Variants in ANKRD26 observed in about 807,000 individuals in gnomAD.
The protein encoded by ANKRD26 is ankyrin repeat domain-containing protein 26.
In ANKRD26, 141 loss-of-function variants were observed where a neutral mutation model predicts 208.7. That is an observed-to-expected ratio of 0.68 (90% CI 0.59 to 0.78). The LOEUF (loss-of-function observed/expected upper bound fraction) is 0.78. Ranked by LOEUF, ANKRD26 falls within the 30% of genes least tolerant of loss-of-function variation. ANKRD26 has a pLI of 0.00. For synonymous variants in ANKRD26, 636 were observed against 660.4 expected, an observed-to-expected ratio of 0.96 and a Z score of 0.57; for missense variants, 1,889 against 1,938.7, an observed-to-expected ratio of 0.97 and a Z score of 0.48.
intron 27 of ANKRD26, 142 bp downstream of exon 27, chr10:27,028,710 G>T: frequency 2.9e-6 from 2 of 678,780 alleles, no homozygotes; most frequent in Non-Finnish European, 2.5e-6. Context: ...CATTATGTAT[G>T]TACAAATATT....
intron 25 of ANKRD26, 92 bp downstream of exon 25, chr10:27,033,133 A>G (rs1039063080): frequency 1.1e-6 from 1 of 922,794 alleles, no homozygotes; most frequent in Non-Finnish European, 1.5e-6. Flanking sequence ...TGAAAACACA[A>G]AAGAAGGCTA....
rs191706890 is a variant in ANKRD26 at position 26,995,164 on chromosome 10, G to A, written c.563-17C>T. 1.5e-5 allele frequency: 7 copies of A among 471,092 alleles called. No individual in the cohort carries two copies. The East Asian group carries it at 4.9e-4, about 33-fold the overall frequency. 29.2% of individuals were successfully genotyped at this position (471,092 alleles called of 1,614,324 possible). A position where few individuals can be genotyped will look rare whatever the true frequency, so the allele number is the denominator to read the frequency against. Reference sequence around the variant, plus strand: ...AGAAGGTCCCTGGAATAGAGTGGCAGGATTAAGGTAATTACACTGGGATAT... The same window carrying A: ...AGAAGGTCCCTGGAATAGAGTGGCAAGATTAAGGTAATTACACTGGGATAT... On this transcript the variant is annotated splice_polypyrimidine_tract_variant and intron_variant, in intron 4 of 5. Coordinates refer to the ANKRD26 transcript ENST00000445828.
At chr10:26,969,496 T>C (rs770464734), downstream of ANKRD26, among the ~76,000 whole-genome samples, 6 of 152,190 alleles carry the variant, frequency 3.9e-5, no homozygotes, top group Non-Finnish European at 8.8e-5. Flanking sequence ...CTCTCACCAA[T>C]GAAGACTCCT....
chr10:27,013,070 CAAG>C lies in ANKRD26; in HGVS notation c.4762_4764del (p.Leu1588del). ...AAAGATCTGCTCTGCTGTTTTTCCACAAGAAGTTTGGTGTTGACCTCTGCTAGC... is the reference window on the plus strand; with the variant it reads ...AAAGATCTGCTCTGCTGTTTTTCCACAAGTTTGGTGTTGACCTCTGCTAGC... On this transcript the variant is annotated inframe_deletion, in exon 32 of 34. Coordinates refer to ENST00000376087, the MANE Select transcript of ANKRD26 (RefSeq NM_014915.3). 6.2e-7 allele frequency: 1 copy of C among 1,613,970 alleles called. No homozygotes were observed. The highest frequency in any genetic ancestry group is 8.5e-7 in the Non-Finnish European group (1 of 1,179,934).
In ANKRD26 at chr10:27,037,290, G is replaced by A. The variant is rs750838104; in HGVS notation, c.2593C>T (p.Leu865Phe). Residue 865 changes from leucine (L) to phenylalanine (F), a missense_variant, in exon 23 of 34, where the codon CTT becomes TTT. Coordinates refer to ENST00000376087, the MANE Select transcript of ANKRD26 (RefSeq NM_014915.3). ...VQERNDAQRQ[L>F]SREQNARMLQ... is the part of the protein sequence containing the mutation. ...ATTCTGGCATTCTGTTCTCGAGAAAGTTGCCTCTGAGCGTCATTTCGCTCT... is the reference window on the plus strand; with the variant it reads ...ATTCTGGCATTCTGTTCTCGAGAAAATTGCCTCTGAGCGTCATTTCGCTCT... The A allele has an allele frequency of 1.2e-6, 2 of 1,613,850 alleles. No homozygotes were observed. The highest frequency in any genetic ancestry group is 2.7e-5 in the African/African-American group (2 of 75,016).
chr10:26,994,398 T>A (rs551473378), intron 5 of ANKRD26, among the ~76,000 whole-genome samples: 28 of 152,206 alleles, frequency 1.8e-4, no homozygotes, highest in Non-Finnish European at 3.7e-4. Context: ...GGTCTGATGA[T>A]GAACATATTC....
chr10:26,970,743 G>C (rs1463627977), downstream of ANKRD26, among the ~76,000 whole-genome samples: 3 of 152,190 alleles, frequency 2.0e-5, no homozygotes, highest in African/African-American at 7.2e-5. Context: ...TCAAGTATTA[G>C]ATTAAAAGGT....
intron 25 of ANKRD26, 98 bp from the exon 26 acceptor site, chr10:27,029,454 T>C (rs2053792154): frequency 1.8e-6 from 2 of 1,114,800 alleles, no homozygotes; most frequent in Non-Finnish European, 2.6e-6. Context: ...AACACAGTCA[T>C]ACCCCTTCAA....
At chr10:26,953,918 C>T in the ANKRD26 span, among the ~76,000 whole-genome samples, 1 of 152,156 alleles carries the variant, frequency 6.6e-6, no homozygotes, top group Non-Finnish European at 1.5e-5. Context: ...ACTAATGGAA[C>T]GTGATATGCT....
At chr10:27,031,184 G>A (rs750498404) in intron 25 of ANKRD26, among the ~76,000 whole-genome samples, 1 of 152,176 alleles carries the variant, frequency 6.6e-6, no homozygotes, top group Admixed American at 6.5e-5. Context: ...AAAGCAGCCT[G>A]ATTAACTCTG....
Position 27,100,408 on chromosome 10 carries a change from C to T in ANKRD26, c.-82G>A. On this transcript the variant is annotated 5_prime_UTR_variant, in exon 1 of 34. Transcript: ENST00000376087. ...TCCGGAGCCCAACATAACAAGTCAG[C>T]CCCGGCTGGCCGCAGCCTCCCAAAG... 2 of 1,568,318 alleles carry T rather than the reference C, an allele frequency of 1.3e-6. No homozygotes were observed. The highest frequency in any genetic ancestry group is 1.7e-6 in the Non-Finnish European group (2 of 1,166,742).
chr10:27,051,180 GT>G, intron 16 of ANKRD26: 1 of 1,289,848 alleles, frequency 7.8e-7, no homozygotes, highest in Non-Finnish European at 1.0e-6. Context: ...TACTTTTGAT[GT>G]TCTGTCACCA....
chr10:27,068,565 T>C (rs2055351375), intron 9 of ANKRD26, among the ~76,000 whole-genome samples: 1 of 152,056 alleles, frequency 6.6e-6, no homozygotes, highest in African/African-American at 2.4e-5. Context: ...AGTAATGTGG[T>C]AAAACTGGAA....
At chr10:27,066,674 CAA>C in intron 10 of ANKRD26, 126 bp from the exon 11 acceptor site, 2 of 621,462 alleles carry the variant, frequency 3.2e-6, no homozygotes, top group Admixed American at 7.0e-5. Flanking sequence ...AAAATAATAG[CAA>C]AAAAAGAATT....
chr10:27,039,966 T>A lies in ANKRD26; in HGVS notation c.2374A>T (p.Arg792Ter), dbSNP rs371926262. The change falls in exon 21 of 34, where the codon AGA becomes TGA. Residue 792 changes from arginine (R) to a stop codon, truncating the protein, a stop_gained and splice_region_variant. Transcript: ENST00000376087. LOFTEE classifies it high-confidence loss of function. Reference sequence around the variant, plus strand: ...TTCTTTAAAACTAGGCTATCATACCTCAAAGAGCACAGTTCTCGTTCCCAT... The same window carrying A: ...TTCTTTAAAACTAGGCTATCATACCACAAAGAGCACAGTTCTCGTTCCCAT... Reference protein sequence around the residue: ...VEWERELCSLRFSLNQEEEKR... With the variant: ...VEWERELCSL 1.2e-6 allele frequency: 2 copies of A among 1,612,912 alleles called. No individual in the cohort carries two copies. The highest frequency in any genetic ancestry group is 8.5e-7 in the Non-Finnish European group (1 of 1,179,354).
intron 32 of ANKRD26, among the ~76,000 whole-genome samples, chr10:27,011,709 C>T (rs1242569678): frequency 6.6e-6 from 1 of 152,110 alleles, no homozygotes; most frequent in African/African-American, 2.4e-5. Flanking sequence ...TAGCTAGGAC[C>T]TTGTTACTGT....
chr10:27,047,722 CTAATAA>C lies in ANKRD26; in HGVS notation c.1814+1073_1814+1078del, dbSNP rs1554782118. ...AATAATACTACTACTACTACTACTA[CTAATAA>C]TAATAATAATAATTATTATTATTAT... On this transcript the variant is annotated intron_variant, in intron 17 of 33. Coordinates refer to ENST00000376087, the MANE Select transcript of ANKRD26 (RefSeq NM_014915.3). Among the ~76,000 whole-genome samples the C allele has an allele frequency of 8.3e-5, 12 of 145,144 alleles. No individual in the cohort carries two copies. In the South Asian group the frequency reaches 8.6e-4, roughly 10 times the overall value.
At chr10:27,003,212 T>C (rs1434654478), downstream of ANKRD26, among the ~76,000 whole-genome samples, 1 of 152,130 alleles carries the variant, frequency 6.6e-6, no homozygotes, top group Non-Finnish European at 1.5e-5. Context: ...AAAATACAGT[T>C]GACCCTTGAA....
chr10:26,991,263 C>T (rs371280869), downstream of ANKRD26, among the ~76,000 whole-genome samples: 29 of 152,168 alleles, frequency 1.9e-4, 1 homozygote, highest in Middle Eastern at 6.8e-3. Flanking sequence ...GGAATCCCTT[C>T]GTGGTTGCTA....
Sources: gnomAD v4.1 joint callset for allele counts (sites outside exome capture counted in the v4.1 genomes callset) on GRCh38, gnomAD v4.1.1 for gene constraint, MANE v1.5 for transcripts, NCBI Gene and HGNC (gene_info 2026-07-23, HGNC 2026-07-21) for gene names.